Variants in RSRP1 observed in about 807,000 individuals in gnomAD.
RSRP1 encodes the protein arginine/serine-rich protein 1.
Under a neutral mutation model 33.0 loss-of-function variants are expected in RSRP1, and 37 were observed. The ratio of observed to expected loss-of-function variants is 1.12; its 90% CI spans 0.86 to 1.48. RSRP1 has a LOEUF of 1.48. Ranked by LOEUF, RSRP1 falls within the 40% of genes most tolerant of loss-of-function variation. The pLI, the probability that RSRP1 is intolerant of heterozygous loss-of-function variation, is 0.00. For synonymous variants in RSRP1, 167 were observed against 158.7 expected (o/e 1.05, Z -0.40); for missense variants, 402 against 385.3 (o/e 1.04, Z -0.36).
rs554168517 is a variant in RSRP1 at position 25,287,369 on chromosome 1, G to C, written c.-66-40340C>G. Among the ~76,000 whole-genome samples the C allele has an allele frequency of 1.5e-5, 2 of 135,364 alleles. 1 individual carries two copies. The highest frequency in any genetic ancestry group is 5.1e-5 in the African/African-American group (2 of 39,238). The allele number at this position is 135,364 out of a possible 152,430, so 88.8% of individuals were successfully genotyped here. ...TTGACTCAATCTAGAAAGACGAGAA[G>C]GGAGAGAAGTCACTCGCAGCCTGAG... On this transcript the variant is annotated intron_variant, in intron 1 of 1. Coordinates refer to the RSRP1 transcript ENST00000561867.
At position 25,300,913 on chromosome 1, in the gene RSRP1, G is replaced by A. The variant is rs193122509; in HGVS notation, c.-67+37065C>T. On this transcript the variant is annotated intron_variant, in intron 1 of 1. Coordinates refer to the RSRP1 transcript ENST00000561867. ...GGGCTTGCCCCGGGCAGAGGATGCC[G>A]ACACTCACTGCTCTTACTGGGTTTT... The A allele has an allele frequency of 5.0e-4, 680 of 1,370,556 alleles. 124 individuals are homozygous for A. In the African/African-American group the frequency reaches 7.8e-3, roughly 16 times the overall value. 84.9% of individuals were successfully genotyped at this position (1,370,556 alleles called of 1,614,324 possible).
chr1:25,318,782 T>C lies in RSRP1; in HGVS notation c.-67+19196A>G, dbSNP rs1222186807. ...CACTTTACTCCCTCTGAGCCTTGGT[T>C]AGCTTCTCTGTAAAATGAAAGGATT... On this transcript the variant is annotated intron_variant, in intron 1 of 1. Coordinates refer to the RSRP1 transcript ENST00000561867. Among the ~76,000 whole-genome samples the C allele has an allele frequency of 1.3e-4, 17 of 132,418 alleles. 4 individuals carry two copies. Among genetic ancestry groups the C allele is most frequent in the African/African-American group, 4.4e-4 (17 of 38,866 alleles). 86.9% of individuals were successfully genotyped at this position (132,418 alleles called of 152,430 possible). A position where few individuals can be genotyped will look rare whatever the true frequency, so the allele number is the denominator to read the frequency against.
At chr1:25,336,655 C>G (rs1423854745) in intron 1 of RSRP1, among the ~76,000 whole-genome samples, 1 of 150,060 alleles carries the variant, frequency 6.7e-6, no homozygotes, top group Non-Finnish European at 1.5e-5. Flanking sequence ...TCTTTTCTCC[C>G]GCACTCATTA....
chr1:25,307,619 G>A, intron 1 of RSRP1: 3 of 972,360 alleles, frequency 3.1e-6, no homozygotes, highest in Non-Finnish European at 4.7e-6. Flanking sequence ...TCTAAGAAAT[G>A]AGATTTAAGA....
At chr1:25,285,369 G>A (rs1641885337) in intron 1 of RSRP1, among the ~76,000 whole-genome samples, 1 of 134,374 alleles carries the variant, frequency 7.4e-6, no homozygotes, top group African/African-American at 2.6e-5. Context: ...CCTGACCTCA[G>A]GTGATCCGCC....
intron 3 of RSRP1, chr1:25,244,909 C>A: frequency 7.4e-7 from 1 of 1,346,958 alleles, no homozygotes; most frequent in Non-Finnish European, 9.6e-7. Flanking sequence ...GTCTTGAACT[C>A]CTGGACTCAA....
upstream of RSRP1, among the ~76,000 whole-genome samples, chr1:25,249,251 T>C (rs1184535064): frequency 2.0e-5 from 3 of 152,178 alleles, no homozygotes; most frequent in Non-Finnish European, 4.4e-5. Flanking sequence ...TTTGAGCTCT[T>C]GGTTATGAAT....
At chr1:25,256,220 T>C (rs986623367) in intron 1 of RSRP1, among the ~76,000 whole-genome samples, 2 of 149,400 alleles carry the variant, frequency 1.3e-5, no homozygotes, top group Non-Finnish European at 3.0e-5. Flanking sequence ...AGTGGCGCCA[T>C]CCTAGCTCAC....
chr1:25,331,963 A>T (rs1235983088), intron 1 of RSRP1, among the ~76,000 whole-genome samples: 3 of 126,028 alleles, frequency 2.4e-5, no homozygotes, highest in Middle Eastern at 4.0e-3. Flanking sequence ...GATGGTCTCA[A>T]TCTCCTGACC....
At position 25,254,527 on chromosome 1, in the gene RSRP1, C is replaced by T. The variant is rs534115464; in HGVS notation, c.-66-7498G>A. Among the ~76,000 whole-genome samples the T allele has an allele frequency of 2.3e-3, 351 of 152,292 alleles. 1 individual carries two copies. Among genetic ancestry groups the T allele is most frequent in the African/African-American group, 7.4e-3 (307 of 41,548 alleles). The stretch of plus-strand genomic sequence containing the variant: ...CTCAGCTCACTGCAACTTCCACCTC[C>T]CCAGTTCAAGCGATTCTCCTGCCTC... On this transcript the variant is annotated intron_variant, in intron 1 of 1. Transcript: ENST00000561867.
intron 1 of RSRP1, among the ~76,000 whole-genome samples, chr1:25,324,603 T>C (rs1393456411): frequency 2.0e-5 from 3 of 151,884 alleles, no homozygotes; most frequent in East Asian, 1.9e-4. Context: ...GCCACATGAA[T>C]GTGAAAGTTT....
At chr1:25,261,175 T>G (rs1640129930) in intron 1 of RSRP1, among the ~76,000 whole-genome samples, 1 of 152,150 alleles carries the variant, frequency 6.6e-6, no homozygotes, top group Admixed American at 6.5e-5. Flanking sequence ...ACCTTAACTA[T>G]TATTTCTTTA....
intron 1 of RSRP1, chr1:25,337,098 T>C (rs679041): frequency 0.074 from 12,267 of 165,506 alleles, 1,533 homozygotes; most frequent in African/African-American, 0.27. Flanking sequence ...ATCTCTCCCT[T>C]CACCCTCTGT....
Position 25,290,171 on chromosome 1 carries a change from G to A in RSRP1, c.-66-43142C>T, listed in dbSNP as rs1254509382. On this transcript the variant is annotated intron_variant, in intron 1 of 1. Coordinates refer to the RSRP1 transcript ENST00000561867. ...AGTTTCTTTCCACTGCCACGGAGACGGAGAGAAGGGACAGTGGCCCCAGAT... is the reference window on the plus strand; with the variant it reads ...AGTTTCTTTCCACTGCCACGGAGACAGAGAGAAGGGACAGTGGCCCCAGAT... Among the ~76,000 whole-genome samples, 2 of 130,376 alleles carry A rather than the reference G, an allele frequency of 1.5e-5. 1 individual carries two copies. Among genetic ancestry groups the A allele is most frequent in the Non-Finnish European group, 3.6e-5 (2 of 55,500 alleles). 85.5% of individuals were successfully genotyped at this position (130,376 alleles called of 152,430 possible). A position where few individuals can be genotyped will look rare whatever the true frequency, so the allele number is the denominator to read the frequency against.
intron 1 of RSRP1, among the ~76,000 whole-genome samples, chr1:25,322,448 C>T (rs867363609): frequency 7.6e-6 from 1 of 132,400 alleles, no homozygotes; most frequent in Non-Finnish European, 1.8e-5. Context: ...TGAGGTGGGG[C>T]GATCACCTGA....
intron 1 of RSRP1, among the ~76,000 whole-genome samples, chr1:25,273,441 G>T (rs1327781197): frequency 2.0e-5 from 2 of 97,960 alleles, no homozygotes; most frequent in East Asian, 4.3e-4. Context: ...ACTGTGCCCA[G>T]CTCTCTTGCT....
intron 1 of RSRP1, among the ~76,000 whole-genome samples, chr1:25,315,404 T>C (rs1470670000): frequency 7.7e-6 from 1 of 129,782 alleles, no homozygotes; most frequent in African/African-American, 2.7e-5. Context: ...GCTGCCTGAA[T>C]GGTTGGGCAG....
chr1:25,260,270 T>C (rs1640090191), intron 1 of RSRP1, among the ~76,000 whole-genome samples: 1 of 152,148 alleles, frequency 6.6e-6, no homozygotes. Context: ...ACTTGAAAAA[T>C]AAAAATGAAC....
chr1:25,309,563 GA>G (rs1263582622), intron 1 of RSRP1, among the ~76,000 whole-genome samples: 1 of 131,394 alleles, frequency 7.6e-6, no homozygotes, highest in Non-Finnish European at 1.8e-5. Flanking sequence ...TCTATTTGGA[GA>G]AAAAAAATTT....
Sources: gnomAD v4.1 joint callset for allele counts (sites outside exome capture counted in the v4.1 genomes callset) on GRCh38, gnomAD v4.1.1 for gene constraint, MANE v1.5 for transcripts, NCBI Gene and HGNC (gene_info 2026-07-23, HGNC 2026-07-21) for gene names.